Variants in TTC5 observed in about 807,000 individuals in gnomAD.
TTC5 encodes tetratricopeptide repeat protein 5.
A neutral mutation model predicts 57.4 loss-of-function variants in TTC5; 46 were observed. That is an observed-to-expected ratio of 0.80 (90% confidence interval 0.63 to 1.03). The LOEUF is 1.03. Ranked by LOEUF, TTC5 falls within the 50% of genes least tolerant of loss-of-function variation. The pLI is 0.00. For missense variants in TTC5, 504 were observed against 528.1 expected, an observed-to-expected ratio of 0.95 and a Z score of 0.45; for synonymous variants, 190 against 203.5, an observed-to-expected ratio of 0.93 and a Z score of 0.57.
chr14:20,298,777 T>G lies in TTC5; in HGVS notation c.639+20A>C. 2 of 1,572,102 alleles carry G rather than the reference T, an allele frequency of 1.3e-6. No individual in the cohort carries two copies. Among genetic ancestry groups the G allele is most frequent in the Non-Finnish European group, 1.8e-6 (2 of 1,141,972 alleles). On this transcript the variant is annotated intron_variant, in intron 5 of 9. Coordinates refer to ENST00000258821, the MANE Select transcript of TTC5 (RefSeq NM_138376.3). ...TCTGTTGTTGCCTATTCATCTGGCC[T>G]GGTGACCATAAGTACTTACTGCTTG...
chr14:20,301,860 T>C lies in TTC5; in HGVS notation c.157A>G (p.Thr53Ala), dbSNP rs1427728332. 4 of 1,613,992 alleles carry C rather than the reference T, an allele frequency of 2.5e-6. No individual in the cohort carries two copies. The highest frequency in any genetic ancestry group is 1.7e-5 in the Admixed American group (1 of 60,004). ...ACTACTTCTTCCATCTGCTGTAGGG[T>C]TTTCTCCATCTCCTTCTGCACATCC... ...QQDVQKEMEK[T>A]LQQMEEVVGS... Residue 53 changes from threonine (T) to alanine (A), a missense_variant, in exon 2 of 10, where the codon ACC becomes GCC. By Grantham distance (58) the Thr-to-Ala change is moderately conservative. Coordinates refer to ENST00000258821, the MANE Select transcript of TTC5 (RefSeq NM_138376.3).
At chr14:20,289,778 C>T (rs1881917337) in intron 9 of TTC5, 32 bp from the exon 10 acceptor site, 2 of 1,587,850 alleles carry the variant, frequency 1.3e-6, no homozygotes, top group Non-Finnish European at 1.7e-6. Context: ...AGGTTCACTA[C>T]AGATTCCAAG....
At position 20,289,465 on chromosome 14, in the gene TTC5, G is replaced by T; in HGVS notation, c.*162C>A. On this transcript the variant is annotated 3_prime_UTR_variant, in exon 10 of 10. Coordinates refer to ENST00000258821, the MANE Select transcript of TTC5 (RefSeq NM_138376.3). ...AGAGAGCTGGAACATGATGAGGACAGAGGAGAGAGAAGAGATACGAAGTGT... is the reference window on the plus strand; with the variant it reads ...AGAGAGCTGGAACATGATGAGGACATAGGAGAGAGAAGAGATACGAAGTGT... The T allele has an allele frequency of 1.3e-6, 1 of 797,110 alleles. No individual in the cohort carries two copies. Among genetic ancestry groups the T allele is most frequent in the Non-Finnish European group, 1.9e-6 (1 of 528,862 alleles). The allele number at this position is 797,110 out of a possible 1,614,324, so 49.4% of individuals were successfully genotyped here.
Position 20,298,809 on chromosome 14 carries a change from G to A in TTC5, c.627C>T (p.Ala209=), listed in dbSNP as rs1463517838. ...NPKISQQALS[A]YAQAEKVDRK... ...CATAAGTACTTACTGCTTGGGCATA[G>A]GCACTGAGGGCTTGCTGGGAGATCT... The change falls in exon 5 of 10, where the codon GCC becomes GCT. Residue 209 remains alanine, a synonymous_variant. Transcript: ENST00000258821. The A allele has an allele frequency of 3.1e-6, 5 of 1,613,206 alleles. No homozygotes were observed. Among genetic ancestry groups the A allele is most frequent in the Non-Finnish European group, 4.2e-6 (5 of 1,179,148 alleles).
At chr14:20,302,183 A>G (rs1216118953) in intron 1 of TTC5, among the ~76,000 whole-genome samples, 1 of 152,210 alleles carries the variant, frequency 6.6e-6, no homozygotes, top group Non-Finnish European at 1.5e-5. Context: ...ATGTTGTCCC[A>G]TGCCAGTGTC....
rs1882169871 is a variant in TTC5, at chr14:20,300,631, G to C, written c.372C>G (p.Thr124=). The C allele has an allele frequency of 5.0e-6, 8 of 1,613,096 alleles. No homozygotes were observed. The East Asian group carries it at 1.8e-4, about 36-fold the overall frequency. ...CATGGGTGAGGGCTCCTGAGAAGCA[G>C]GTGTGGGCAGCTGCAACATCCCCTT... The part of the protein sequence containing the change: ...WKKGDVAAAH[T]CFSGALTHCR... Residue 124 remains threonine (T), a synonymous_variant, in exon 3 of 10, where the codon ACC becomes ACG. Transcript: ENST00000258821.
At chr14:20,289,855 C>T (rs562116024) in intron 9 of TTC5, 109 bp from the exon 10 acceptor site, 1 of 1,177,300 alleles carries the variant, frequency 8.5e-7, no homozygotes, top group Non-Finnish European at 1.2e-6. Context: ...CTGTTGTATA[C>T]CCCCTCTACT....
rs1382847520 is a variant in TTC5 at position 20,287,174 on chromosome 14, T to C, written c.*2453A>G. The C allele has an allele frequency of 6.6e-6, 1 of 152,234 alleles. No individual in the cohort carries two copies. Among genetic ancestry groups the C allele is most frequent in the Non-Finnish European group, 1.5e-5 (1 of 68,054 alleles). 9.4% of individuals were successfully genotyped at this position (152,234 alleles called of 1,614,324 possible). A position where few individuals can be genotyped will look rare whatever the true frequency, so the allele number is the denominator to read the frequency against. ...AAACAGTGGTTCTCAAATTTTACTG[T>C]GCATCAGAGTCACCTGGAGGGTTTG... is the stretch of plus-strand genomic sequence containing the variant. On this transcript the variant is annotated 3_prime_UTR_variant, in exon 10 of 10. Transcript: ENST00000258821.
chr14:20,289,972 C>G (rs1273026993), intron 9 of TTC5, among the ~76,000 whole-genome samples: 2 of 152,196 alleles, frequency 1.3e-5, no homozygotes, highest in Non-Finnish European at 2.9e-5. Flanking sequence ...TGTAGTGCCA[C>G]TACAAGAATG....
chr14:20,300,746 G>C lies in TTC5; in HGVS notation c.257C>G (p.Pro86Arg). ...KALNVTPDYS[P>R]KAEELLSKAV... ...CTTTGACAGAAGCTCCTCAGCCTTA[G>C]GGCTATAGTCAGGAGTCACATTTAG... Residue 86 changes from proline (P) to arginine (R), a missense_variant, in exon 3 of 10, where the codon CCT (proline) becomes CGT (arginine). Physicochemically the swap from Pro to Arg is moderately radical, Grantham distance 103. Transcript: ENST00000258821. The C allele has an allele frequency of 1.2e-6, 2 of 1,614,120 alleles. No homozygotes were observed. The highest frequency in any genetic ancestry group is 1.3e-5 in the African/African-American group (1 of 75,026).
At position 20,296,405 on chromosome 14, in the gene TTC5, A is replaced by G. The variant is rs1882064215; in HGVS notation, c.681T>C (p.His227=). 6.2e-7 allele frequency: 1 copy of G among 1,613,164 alleles called. No individual in the cohort carries two copies. The highest frequency in any genetic ancestry group is 8.5e-7 in the Non-Finnish European group (1 of 1,179,084). The change falls in exon 6 of 10, where the codon CAT becomes CAC. Residue 227 remains histidine, a synonymous_variant. Coordinates refer to ENST00000258821, the MANE Select transcript of TTC5 (RefSeq NM_138376.3). ...DRKASSNPDL[H]LNRATLHKYE... ...AAGGTCTTACCGTCGCCCTGTTCAG[A>G]TGAAGGTCAGGATTGCTAGAAGCTT...
In TTC5 at chr14:20,298,801, TG is replaced by T. The variant is rs1882119474; in HGVS notation, c.634del (p.Gln212LysfsTer17). ...ISQQALSAYA[Q>X]AEKVDRKASS... ...CTGGTGACCATAAGTACTTACTGCT[TG>T]GGCATAGGCACTGAGGGCTTGCTGG... is the stretch of plus-strand genomic sequence containing the variant. On this transcript the variant is annotated frameshift_variant, in exon 5 of 10. Transcript: ENST00000258821. LOFTEE classifies it high-confidence loss of function. 5.0e-6 allele frequency: 8 copies of T among 1,611,738 alleles called. No individual in the cohort carries two copies. The East Asian group carries it at 1.6e-4, about 31-fold the overall frequency.
intron 8 of TTC5, chr14:20,294,929 A>G (rs1293649748): frequency 1.9e-5 from 4 of 213,110 alleles, no homozygotes; most frequent in African/African-American, 6.7e-5. Flanking sequence ...TTCAGAACTA[A>G]GTATACCTAA....
intron 1 of TTC5, among the ~76,000 whole-genome samples, chr14:20,304,181 A>C (rs898187594): frequency 1.3e-5 from 2 of 152,258 alleles, no homozygotes; most frequent in South Asian, 2.1e-4. Flanking sequence ...CCAGAACGGG[A>C]CTTGGGACAT....
intron 3 of TTC5, 27 bp downstream of exon 3, chr14:20,300,580 T>C (rs772571953): frequency 1.3e-6 from 2 of 1,583,496 alleles, no homozygotes; most frequent in Non-Finnish European, 1.7e-6. Context: ...CCATCTCTGC[T>C]TTCCAAAGGG....
rs1196583789 is a variant in TTC5 at position 20,286,557 on chromosome 14, A to G, written c.*3070T>C. 4 of 152,170 alleles carry G rather than the reference A, an allele frequency of 2.6e-5. No homozygotes were observed. Among genetic ancestry groups the G allele is most frequent in the Non-Finnish European group, 5.9e-5 (4 of 68,010 alleles). 9.4% of individuals were successfully genotyped at this position (152,170 alleles called of 1,614,324 possible). ...ATTATGAAAAAAATTATATCCGTAC[A>G]TAACATAAAATAAAGTCATACTGTA... is the stretch of plus-strand genomic sequence containing the variant. On this transcript the variant is annotated 3_prime_UTR_variant, in exon 10 of 10. Coordinates refer to ENST00000258821, the MANE Select transcript of TTC5 (RefSeq NM_138376.3).
rs751435664 is a variant in TTC5, at chr14:20,299,468, A to G, written c.397-20T>C. On this transcript the variant is annotated intron_variant, in intron 3 of 9. Coordinates refer to ENST00000258821, the MANE Select transcript of TTC5 (RefSeq NM_138376.3). ...CCTGCACTGCAAATAGGAAGGGCACATACTCAATCTTCCTGATTCTACCTC... is the reference window on the plus strand; with the variant it reads ...CCTGCACTGCAAATAGGAAGGGCACGTACTCAATCTTCCTGATTCTACCTC... 6.2e-6 allele frequency: 10 copies of G among 1,611,780 alleles called. No individual in the cohort carries two copies. The South Asian group carries it at 9.9e-5, about 16-fold the overall frequency.
chr14:20,305,699 G>T, intron 1 of TTC5, 188 bp downstream of exon 1: 1 of 613,662 alleles, frequency 1.6e-6, no homozygotes, highest in East Asian at 2.8e-5. Context: ...CAGTCAGGTC[G>T]GCAGCAGGAG....
chr14:20,301,696 G>A (rs576896477), intron 2 of TTC5, 137 bp downstream of exon 2: 3 of 1,087,522 alleles, frequency 2.8e-6, no homozygotes, highest in East Asian at 2.5e-5. Flanking sequence ...GGTTGCACAG[G>A]GGCCCTGAGA....
Sources: allele counts gnomAD v4.1 joint callset (sites outside exome capture counted in the v4.1 genomes callset), GRCh38; gene constraint gnomAD v4.1.1; transcripts MANE v1.5; gene names NCBI Gene and HGNC (gene_info 2026-07-23, HGNC 2026-07-21).